Variants in MAN2A1 observed in about 807,000 individuals in gnomAD.
MAN2A1 encodes the protein alpha-mannosidase 2.
A neutral mutation model predicts 142.6 loss-of-function variants in MAN2A1; 76 were observed. The ratio of observed to expected loss-of-function variants is 0.53; its 90% CI spans 0.44 to 0.65. The LOEUF (loss-of-function observed/expected upper bound fraction) is 0.65, where lower values mean the gene tolerates loss of function less well. MAN2A1 is among the 30% of genes least tolerant of loss of function. The pLI, the probability that MAN2A1 is intolerant of heterozygous loss-of-function variation, is 0.00. For missense variants in MAN2A1, 1,311 were observed against 1,365.1 expected, an observed-to-expected ratio of 0.96 and a Z score of 0.62; for synonymous variants, 559 against 473.2, an observed-to-expected ratio of 1.18 and a Z score of -2.35.
intron 12 of MAN2A1, among the ~76,000 whole-genome samples, chr5:109,800,435 A>C (rs1753990622): frequency 6.6e-6 from 1 of 152,200 alleles, no homozygotes; most frequent in Non-Finnish European, 1.5e-5. Flanking sequence ...ACCTACTGCC[A>C]GTAGCATTTG....
At chr5:109,787,399 A>G (rs953971510) in intron 10 of MAN2A1, among the ~76,000 whole-genome samples, 5 of 152,004 alleles carry the variant, frequency 3.3e-5, no homozygotes, top group Non-Finnish European at 7.4e-5. Flanking sequence ...TATTAATAGG[A>G]TAAGTGTATG....
chr5:109,820,777 T>C (rs1414031378), intron 15 of MAN2A1, among the ~76,000 whole-genome samples: 1 of 152,192 alleles, frequency 6.6e-6, no homozygotes, highest in Non-Finnish European at 1.5e-5. Flanking sequence ...CACTCCAGCC[T>C]GGGTTGACGG....
rs574229974 is a variant in MAN2A1, at chr5:109,813,009, A to C, written c.1944-4264A>C. Among the ~76,000 whole-genome samples the C allele has an allele frequency of 5.3e-4, 81 of 152,218 alleles. No individual in the cohort carries two copies. In the South Asian group the frequency reaches 7.9e-3, roughly 15 times the overall value. On this transcript the variant is annotated intron_variant, in intron 12 of 21. Coordinates refer to ENST00000261483, the MANE Select transcript of MAN2A1 (RefSeq NM_002372.4). ...TTATAAAGAACTTGAAAAAATATGT[A>C]TTTTTTTAATCTTCATTACACAATC...
chr5:109,762,208 C>G (rs1181427076), intron 5 of MAN2A1, among the ~76,000 whole-genome samples: 2 of 152,014 alleles, frequency 1.3e-5, no homozygotes, highest in East Asian at 3.9e-4. Context: ...TTCTCTACAA[C>G]TTTTGTATCT....
At chr5:109,704,848 A>G (rs1429119512) in intron 1 of MAN2A1, among the ~76,000 whole-genome samples, 1 of 152,206 alleles carries the variant, frequency 6.6e-6, no homozygotes, top group East Asian at 1.9e-4. Context: ...GCCATTTTAA[A>G]TTATAAAAGG....
At chr5:109,839,643 C>T (rs1479340516) in intron 16 of MAN2A1, among the ~76,000 whole-genome samples, 1 of 143,386 alleles carries the variant, frequency 7.0e-6, no homozygotes, top group Non-Finnish European at 1.5e-5. Flanking sequence ...GAGGCCCTGT[C>T]TCTCTCTTTT....
rs1483814737 is a variant in MAN2A1 at position 109,866,995 on chromosome 5, G to T, written c.3432G>T (p.Arg1144Ser). 1 of 1,606,242 alleles carries T rather than the reference G, an allele frequency of 6.2e-7. No individual in the cohort carries two copies. Among genetic ancestry groups the T allele is most frequent in the Admixed American group, 1.7e-5 (1 of 58,728 alleles). The change falls in exon 22 of 22, where the codon AGG becomes AGT. Residue 1144 changes from arginine (R) to serine (S), a missense_variant. Arg to Ser is a moderately radical substitution (Grantham distance 110). This residue lies in a region of MAN2A1 where 890 missense variants were observed against 920.5 expected (regional missense o/e 0.97). Coordinates refer to ENST00000261483, the MANE Select transcript of MAN2A1 (RefSeq NM_002372.4). ...MEISTFRIQLR is the reference protein window; with the variant it reads ...MEISTFRIQLS ...TCAGCACATTCCGAATCCAGTTGAG[G>T]TGAACCTGACTTTCACATTTGGATT...
Position 109,713,741 on chromosome 5 carries a change from T to C in MAN2A1, c.357T>C (p.Ala119=). The C allele has an allele frequency of 6.2e-7, 1 of 1,613,974 alleles. No individual in the cohort carries two copies. The highest frequency in any genetic ancestry group is 1.3e-5 in the African/African-American group (1 of 75,004). ...TTGACACTGCAGACTGTCTGTTTGCTTCACAAAGTGGAAGTCACAATTCAG... is the reference window on the plus strand; with the variant it reads ...TTGACACTGCAGACTGTCTGTTTGCCTCACAAAGTGGAAGTCACAATTCAG... ...LSVDTADCLF[A]SQSGSHNSDV... The change falls in exon 2 of 22, where the codon GCT becomes GCC. Residue 119 remains alanine, a synonymous_variant. Transcript: ENST00000261483.
In MAN2A1 at chr5:109,869,521, T is replaced by C. The variant is rs1309964097; in HGVS notation, c.*2523T>C. The C allele has an allele frequency of 6.6e-6, 1 of 152,224 alleles. No individual in the cohort carries two copies. The highest frequency in any genetic ancestry group is 6.5e-5 in the Admixed American group (1 of 15,286). 9.4% of individuals were successfully genotyped at this position (152,224 alleles called of 1,614,324 possible). A position where few individuals can be genotyped will look rare whatever the true frequency, so the allele number is the denominator to read the frequency against. On this transcript the variant is annotated 3_prime_UTR_variant, in exon 22 of 22. Transcript: ENST00000261483. Reference sequence around the variant, plus strand: ...GTTTGCTTTCATTTTGATCATTTTGTTCACCTTGGAATCAACAGGTTTTGA... The same window carrying C: ...GTTTGCTTTCATTTTGATCATTTTGCTCACCTTGGAATCAACAGGTTTTGA...
chr5:109,760,540 G>T (rs1752814419), intron 5 of MAN2A1, among the ~76,000 whole-genome samples: 1 of 152,022 alleles, frequency 6.6e-6, no homozygotes, highest in Non-Finnish European at 1.5e-5. Context: ...CTGGTTCTAG[G>T]TACTTGAGGA....
At chr5:109,774,998 A>C (rs1753245719) in intron 8 of MAN2A1, 33 bp downstream of exon 8, 1 of 1,429,052 alleles carries the variant, frequency 7.0e-7, no homozygotes, top group Admixed American at 2.0e-5. Context: ...TCCGTATTTG[A>C]AATTGAACCT....
At chr5:109,850,888 G>A (rs969022643) in intron 19 of MAN2A1, among the ~76,000 whole-genome samples, 17 of 152,224 alleles carry the variant, frequency 1.1e-4, no homozygotes, top group Admixed American at 8.5e-4. Context: ...AATAAGAAAT[G>A]AACTAGAGAA....
In MAN2A1 at chr5:109,755,396, C is replaced by A; in HGVS notation, c.775C>A (p.His259Asn). 6.2e-7 allele frequency: 1 copy of A among 1,610,782 alleles called. No individual in the cohort carries two copies. The highest frequency in any genetic ancestry group is 8.5e-7 in the Non-Finnish European group (1 of 1,177,028). ...GWVMPDEATPHYFALIDQLIE... is the reference protein window; with the variant it reads ...GWVMPDEATPNYFALIDQLIE... ...GGTTATGCCTGATGAAGCTACTCCACATTATTTTGCCTTAATTGATCAACT... is the reference window on the plus strand; with the variant it reads ...GGTTATGCCTGATGAAGCTACTCCAAATTATTTTGCCTTAATTGATCAACT... Residue 259 changes from histidine (H) to asparagine (N), a missense_variant, in exon 5 of 22, where the codon CAT becomes AAT. By Grantham distance (68) the His-to-Asn change is moderately conservative (BLOSUM62 1). Coordinates refer to ENST00000261483, the MANE Select transcript of MAN2A1 (RefSeq NM_002372.4).
chr5:109,732,058 C>T (rs1751929754), intron 4 of MAN2A1, among the ~76,000 whole-genome samples: 1 of 152,002 alleles, frequency 6.6e-6, no homozygotes, highest in Admixed American at 6.6e-5. Context: ...GCCATTCTAA[C>T]TGGAGTGAGA....
chr5:109,749,239 T>C (rs977340152), intron 4 of MAN2A1, among the ~76,000 whole-genome samples: 1 of 152,160 alleles, frequency 6.6e-6, no homozygotes, highest in Non-Finnish European at 1.5e-5. Context: ...TCCTTCTGTG[T>C]GTGACCAAAT....
chr5:109,770,646 C>T, intron 7 of MAN2A1, 105 bp downstream of exon 7: 1 of 1,027,224 alleles, frequency 9.7e-7, no homozygotes, highest in East Asian at 2.5e-5. Flanking sequence ...CAACATTATC[C>T]TTGTTTGAAG....
chr5:109,840,675 C>T, intron 16 of MAN2A1: 1 of 442,244 alleles, frequency 2.3e-6, no homozygotes, highest in South Asian at 1.7e-5. Flanking sequence ...GCAACCTTCT[C>T]TGCTTTATCA....
At chr5:109,860,788 G>A (rs1203233818) in intron 20 of MAN2A1, among the ~76,000 whole-genome samples, 1 of 152,134 alleles carries the variant, frequency 6.6e-6, no homozygotes, top group Non-Finnish European at 1.5e-5. Flanking sequence ...TAGGTGGATA[G>A]GTGGTAGATG....
At chr5:109,722,795 C>A (rs543608773) in intron 3 of MAN2A1, among the ~76,000 whole-genome samples, 1 of 152,134 alleles carries the variant, frequency 6.6e-6, no homozygotes, top group South Asian at 2.1e-4. Flanking sequence ...AAGTAGCCCC[C>A]TCGTGTACCC....
Sources: allele counts gnomAD v4.1 joint callset (sites outside exome capture counted in the v4.1 genomes callset), GRCh38; gene constraint gnomAD v4.1.1; regional missense constraint gnomAD v4.1.1; transcripts MANE v1.5; gene names NCBI Gene and HGNC (gene_info 2026-07-23, HGNC 2026-07-21).